KIAA1549L: variants seen among roughly 807,000 people sequenced by gnomAD.
KIAA1549L encodes KIAA1549 like.
A neutral mutation model predicts 160.7 loss-of-function variants in KIAA1549L; 88 were observed. The observed-to-expected ratio is 0.55, with a 90% CI of 0.46 to 0.65. The LOEUF is 0.65. Ranked by LOEUF, KIAA1549L falls within the 30% of genes least tolerant of loss-of-function variation. The pLI is 0.00. For synonymous variants in KIAA1549L, 950 were observed against 976.7 expected, an observed-to-expected ratio of 0.97 and a Z score of 0.51; for missense variants, 2,258 against 2,437.5, an observed-to-expected ratio of 0.93 and a Z score of 1.55.
chr11:33,590,901 A>AATTGAGTTGT (rs1850033847), intron 11 of KIAA1549L, among the ~76,000 whole-genome samples: 1 of 152,224 alleles, frequency 6.6e-6, no homozygotes, highest in Non-Finnish European at 1.5e-5. Context: ...TTAATGTATT[A>AATTGAGTTGT]ATTGAGTTGT....
intron 1 of KIAA1549L, among the ~76,000 whole-genome samples, chr11:33,525,740 C>T (rs1853596458): frequency 1.3e-5 from 2 of 151,930 alleles, no homozygotes; most frequent in Non-Finnish European, 2.9e-5. Flanking sequence ...CAGCTCTGCT[C>T]ACCAGCTGCC....
chr11:33,413,827 G>A (rs778038283), intron 1 of KIAA1549L, among the ~76,000 whole-genome samples: 10 of 152,220 alleles, frequency 6.6e-5, no homozygotes, highest in Non-Finnish European at 1.3e-4. Context: ...GTCCAGTGCT[G>A]CATCCGTCTC....
intron 6 of KIAA1549L, among the ~76,000 whole-genome samples, chr11:33,555,546 G>C (rs1854618544): frequency 6.6e-6 from 1 of 152,192 alleles, no homozygotes; most frequent in South Asian, 2.1e-4. Flanking sequence ...AGGTGCCAAG[G>C]CTATTCAATG....
intron 6 of KIAA1549L, among the ~76,000 whole-genome samples, chr11:33,553,264 T>A (rs1465154279): frequency 1.3e-5 from 2 of 151,802 alleles, no homozygotes; most frequent in Admixed American, 6.6e-5. Flanking sequence ...CCTCCCGAAG[T>A]GCTGGGATTA....
chr11:33,550,774 AT>A (rs1224723468), intron 4 of KIAA1549L, among the ~76,000 whole-genome samples: 2 of 152,306 alleles, frequency 1.3e-5, no homozygotes, highest in Admixed American at 1.3e-4. Flanking sequence ...TGGTCACAGG[AT>A]TATACTGAGG....
intron 16 of KIAA1549L, among the ~76,000 whole-genome samples, chr11:33,630,245 C>T (rs574794855): frequency 1.8e-3 from 270 of 152,334 alleles, no homozygotes; most frequent in Non-Finnish European, 3.1e-3. Context: ...TTGTCTGTGC[C>T]CTGCCCCCAG....
At chr11:33,572,364 A>G (rs143030352) in intron 9 of KIAA1549L, among the ~76,000 whole-genome samples, 1,776 of 152,304 alleles carry the variant, frequency 0.012, 32 homozygotes, top group African/African-American at 0.04. Context: ...AGAAAAGTTG[A>G]TAAAATTATA....
At chr11:33,667,593 A>C (rs1229909827) in intron 20 of KIAA1549L, among the ~76,000 whole-genome samples, 1 of 151,966 alleles carries the variant, frequency 6.6e-6, no homozygotes, top group Non-Finnish European at 1.5e-5. Context: ...AAGGGGTTTC[A>C]CCATTTTAGC....
chr11:33,526,160 A>G (rs1450725123), intron 1 of KIAA1549L, among the ~76,000 whole-genome samples: 1 of 152,068 alleles, frequency 6.6e-6, no homozygotes, highest in African/African-American at 2.4e-5. Context: ...TCCCCCTTCT[A>G]CTACTGCAGC....
In KIAA1549L at chr11:33,552,206, A is replaced by G. The variant is rs374494071; in HGVS notation, c.3820A>G (p.Lys1274Glu). ...LQKAFQDAER[K>E]VLNTKSNLTI... The stretch of plus-strand genomic sequence containing the variant: ...GAAGGCATTCCAGGATGCCGAGAGG[A>G]AAGTCCTGAATACCAAAAGCAACTT... The change falls in exon 6 of 21, where the codon AAA (lysine) becomes GAA (glutamate). Residue 1274 changes from lysine to glutamate, a missense_variant. Around this residue, in one of 6 missense-constraint regions of KIAA1549L, gnomAD observed 1,359 missense variants for 1,546.6 expected, o/e 0.88. Coordinates refer to ENST00000658780, the MANE Select transcript of KIAA1549L (RefSeq NM_012194.3). 21 of 1,607,170 alleles carry G rather than the reference A, an allele frequency of 1.3e-5. No homozygotes were observed. The highest frequency in any genetic ancestry group is 2.2e-5 in the East Asian group (1 of 44,732).
At chr11:33,509,328 A>G (rs1353862899) in intron 1 of KIAA1549L, among the ~76,000 whole-genome samples, 1 of 152,188 alleles carries the variant, frequency 6.6e-6, no homozygotes, top group African/African-American at 2.4e-5. Context: ...AGAGCCTTGT[A>G]CTTGCTCCCT....
intron 8 of KIAA1549L, among the ~76,000 whole-genome samples, chr11:33,563,417 A>G (rs1378601810): frequency 6.6e-6 from 1 of 151,594 alleles, no homozygotes; most frequent in Non-Finnish European, 1.5e-5. Context: ...GGTGGAGGAA[A>G]ATCCTGCACA....
intron 1 of KIAA1549L, among the ~76,000 whole-genome samples, chr11:33,474,232 G>A (rs1178865850): frequency 6.6e-6 from 1 of 152,186 alleles, no homozygotes. Flanking sequence ...GAGATTTACA[G>A]GGGACAAACA....
At chr11:33,457,508 C>T (rs1012616051) in intron 1 of KIAA1549L, among the ~76,000 whole-genome samples, 3 of 152,172 alleles carry the variant, frequency 2.0e-5, no homozygotes, top group African/African-American at 4.8e-5. Flanking sequence ...CCTTGACTCC[C>T]GCATCCTAGG....
At chr11:33,636,919 G>T (rs577059463) in intron 16 of KIAA1549L, among the ~76,000 whole-genome samples, 1 of 152,104 alleles carries the variant, frequency 6.6e-6, no homozygotes. Flanking sequence ...GCACAGTGTC[G>T]GGAAGGCTAT....
intron 10 of KIAA1549L, among the ~76,000 whole-genome samples, chr11:33,578,677 G>C (rs1855537071): frequency 6.6e-6 from 1 of 152,164 alleles, no homozygotes; most frequent in Non-Finnish European, 1.5e-5. Context: ...TGCACAGCTT[G>C]GTCTCAGGCT....
At position 33,574,792 on chromosome 11, in the gene KIAA1549L, G is replaced by C; in HGVS notation, c.4321G>C (p.Ala1441Pro). The C allele has an allele frequency of 6.2e-7, 1 of 1,613,972 alleles. No homozygotes were observed. The highest frequency in any genetic ancestry group is 8.5e-7 in the Non-Finnish European group (1 of 1,179,836). The change falls in exon 10 of 21, where the codon GCA becomes CCA. Residue 1441 changes from alanine to proline, a missense_variant. Around this residue, in one of 6 missense-constraint regions of KIAA1549L, gnomAD observed 1,359 missense variants for 1,546.6 expected, o/e 0.88. Transcript: ENST00000658780. ...CAACGGGAAGCCTTTGTTGGGGACC[G>C]CAGCTGCCAAGATCCTGAGCACCAT... The part of the protein sequence containing the change: ...LYNGKPLLGT[A>P]AAKILSTIDS...
In KIAA1549L at chr11:33,669,317, G is replaced by T. The variant is rs1852594158; in HGVS notation, c.*1163G>T. 1 of 152,230 alleles carries T rather than the reference G, an allele frequency of 6.6e-6. No individual in the cohort carries two copies. The highest frequency in any genetic ancestry group is 1.5e-5 in the Non-Finnish European group (1 of 68,024). 9.4% of individuals were successfully genotyped at this position (152,230 alleles called of 1,614,324 possible). Reference sequence around the variant, plus strand: ...TGAAATGGTAGGGTGGCCACTTTGTGACCATGATGTTGCAAGTTGCCCTCC... The same window carrying T: ...TGAAATGGTAGGGTGGCCACTTTGTTACCATGATGTTGCAAGTTGCCCTCC... On this transcript the variant is annotated 3_prime_UTR_variant, in exon 21 of 21. Transcript: ENST00000658780.
At chr11:33,478,990 C>T (rs1335045683) in intron 1 of KIAA1549L, among the ~76,000 whole-genome samples, 2 of 152,184 alleles carry the variant, frequency 1.3e-5, no homozygotes, top group Non-Finnish European at 2.9e-5. Context: ...GGGCATGTTG[C>T]CCCTAAGGTT....
Sources: allele counts gnomAD v4.1 joint callset (sites outside exome capture counted in the v4.1 genomes callset), GRCh38; gene constraint gnomAD v4.1.1; regional missense constraint gnomAD v4.1.1; transcripts MANE v1.5; gene names NCBI Gene and HGNC (gene_info 2026-07-23, HGNC 2026-07-21).